Variants in PCDHGA1 observed in about 807,000 individuals in gnomAD.
PCDHGA1 encodes the protein protocadherin gamma-A1.
In PCDHGA1, 32 loss-of-function variants were observed where a neutral mutation model predicts 58.0. The observed-to-expected ratio is 0.55, with a 90% CI of 0.42 to 0.74. PCDHGA1 has a LOEUF of 0.74. Among genes scored for constraint, PCDHGA1 ranks in the 30% least tolerant of loss-of-function variants. PCDHGA1 has a pLI of 0.00. For missense variants in PCDHGA1, 1,205 were observed against 1,182.3 expected (o/e 1.02, Z -0.28); for synonymous variants, 498 against 501.1 (o/e 0.99, Z 0.08).
intron 1 of PCDHGA1, chr5:141,468,696 C>G (rs1483766202): frequency 6.6e-6 from 1 of 151,386 alleles, no homozygotes; most frequent in East Asian, 2.0e-4. Context: ...GAAACCCCGT[C>G]TCTACTAAAA....
At chr5:141,419,413 C>T (rs568417008) in intron 1 of PCDHGA1, 4 of 1,613,444 alleles carry the variant, frequency 2.5e-6, no homozygotes, top group African/African-American at 1.3e-5. Flanking sequence ...TCGCGCAGCG[C>T]GCCTTCGACC....
In PCDHGA1 at chr5:141,486,403, T is replaced by C; in HGVS notation, c.2422-8404T>C. ...GGAACCAGTTCTCCCTGGTGACTGC[T>C]GGACCCTTGGATCGAGAGGCCAAAT... On this transcript the variant is annotated intron_variant, in intron 1 of 3. Coordinates refer to ENST00000517417, the MANE Select transcript of PCDHGA1 (RefSeq NM_018912.3). This position sits in a 1 kb window ranked among gnomAD's most constrained non-coding sequence, Gnocchi z 5.0. The C allele has an allele frequency of 6.2e-7, 1 of 1,614,212 alleles. No individual in the cohort carries two copies. Among genetic ancestry groups the C allele is most frequent in the Non-Finnish European group, 8.5e-7 (1 of 1,180,034 alleles).
intron 3 of PCDHGA1, among the ~76,000 whole-genome samples, chr5:141,506,138 G>T (rs983643755): frequency 6.6e-6 from 1 of 152,134 alleles, no homozygotes; most frequent in African/African-American, 2.4e-5. Flanking sequence ...AGGAGAAGAA[G>T]AATATCATTT....
chr5:141,354,288 AAAC>A, intron 1 of PCDHGA1, among the ~76,000 whole-genome samples: 1 of 152,310 alleles, frequency 6.6e-6, no homozygotes, highest in East Asian at 1.9e-4. Context: ...GTCATTCATG[AAAC>A]ATTGAAAGGT....
rs1203114280 is a variant in PCDHGA1 at position 141,344,088 on chromosome 5, C to A, written c.2421+10983C>A. On this transcript the variant is annotated intron_variant, in intron 1 of 3. Coordinates refer to ENST00000517417, the MANE Select transcript of PCDHGA1 (RefSeq NM_018912.3). ...CAGAGGACTGGCCCTGCTGTGCGCGCTCCTGGGGACGCTGTGCGAAACAGG... is the reference window on the plus strand; with the variant it reads ...CAGAGGACTGGCCCTGCTGTGCGCGATCCTGGGGACGCTGTGCGAAACAGG... 1.2e-6 allele frequency: 2 copies of A among 1,612,960 alleles called. No homozygotes were observed. The highest frequency in any genetic ancestry group is 1.7e-5 in the Admixed American group (1 of 59,908).
At position 141,476,669 on chromosome 5, in the gene PCDHGA1, C is replaced by G; in HGVS notation, c.2422-18138C>G. ...AAATGAATACTTTGCGCTTCGCGTGCAGACGCGGGAGGACAGCACCAAGTA... is the reference window on the plus strand; with the variant it reads ...AAATGAATACTTTGCGCTTCGCGTGGAGACGCGGGAGGACAGCACCAAGTA... On this transcript the variant is annotated intron_variant, in intron 1 of 3. Coordinates refer to ENST00000517417, the MANE Select transcript of PCDHGA1 (RefSeq NM_018912.3). This position sits in a 1 kb window ranked among gnomAD's most constrained non-coding sequence, Gnocchi z 7.6. 6.2e-7 allele frequency: 1 copy of G among 1,614,246 alleles called. No individual in the cohort carries two copies. The highest frequency in any genetic ancestry group is 1.1e-5 in the South Asian group (1 of 91,086).
Position 141,485,665 on chromosome 5 carries a change from C to G in PCDHGA1, c.2422-9142C>G. ...AGGCTCAGGATGCAGATGTGGGGAG[C>G]AATTCGATTAGCAGCTATAGGCTGA... On this transcript the variant is annotated intron_variant, in intron 1 of 3. Coordinates refer to ENST00000517417, the MANE Select transcript of PCDHGA1 (RefSeq NM_018912.3). This position sits in a 1 kb window ranked among gnomAD's most constrained non-coding sequence, Gnocchi z 5.7. 1 of 1,612,622 alleles carries G rather than the reference C, an allele frequency of 6.2e-7. No individual in the cohort carries two copies.
intron 1 of PCDHGA1, chr5:141,404,308 C>G: frequency 1.2e-6 from 2 of 1,613,918 alleles, no homozygotes; most frequent in East Asian, 2.2e-5. Flanking sequence ...CACCTGCTTT[C>G]TCTCAAGCCT....
At chr5:141,350,834 C>G in intron 1 of PCDHGA1, 2 of 1,614,054 alleles carry the variant, frequency 1.2e-6, no homozygotes, top group Non-Finnish European at 1.7e-6. Context: ...TCCGGTATTA[C>G]TGCTGGAAAA....
At chr5:141,350,738 G>A (rs948532839) in intron 1 of PCDHGA1, 1 of 1,613,930 alleles carries the variant, frequency 6.2e-7, no homozygotes, top group Non-Finnish European at 8.5e-7. Flanking sequence ...TGCAGATGTG[G>A]AAGGCAATTC....
chr5:141,429,376 T>TG (rs2097206796), intron 1 of PCDHGA1, among the ~76,000 whole-genome samples: 1 of 144,558 alleles, frequency 6.9e-6, no homozygotes, highest in Non-Finnish European at 1.5e-5. Context: ...GGAGAAAATG[T>TG]GTTTTTTTTT....
chr5:141,370,051 A>G (rs1766638664), intron 1 of PCDHGA1, among the ~76,000 whole-genome samples: 1 of 152,244 alleles, frequency 6.6e-6, no homozygotes, highest in African/African-American at 2.4e-5. Flanking sequence ...ATGTTTTTTA[A>G]AAGTCCTTTT....
chr5:141,373,352 G>A (rs1311109117), intron 1 of PCDHGA1, among the ~76,000 whole-genome samples: 5 of 152,178 alleles, frequency 3.3e-5, no homozygotes, highest in Non-Finnish European at 7.3e-5. Context: ...CTCTTGTAAT[G>A]GGCACTGTAA....
intron 1 of PCDHGA1, chr5:141,478,825 T>G: frequency 1.4e-6 from 2 of 1,441,878 alleles, no homozygotes; most frequent in East Asian, 5.0e-5. Context: ...TAACCAATCT[T>G]GCTAAGGGAT....
rs754547223 is a variant in PCDHGA1 at position 141,511,148 on chromosome 5, AGTC to A, written c.2773_2775del (p.Ser925del). The A allele has an allele frequency of 7.4e-6, 12 of 1,614,202 alleles. No individual in the cohort carries two copies. The highest frequency in any genetic ancestry group is 1.0e-5 in the Non-Finnish European group (12 of 1,180,016). ...GCAGGTGGCAATGGCAACAAGAAGA[AGTC>A]GGGCAAGAAGGAGAAGAAGTAACAT... On this transcript the variant is annotated inframe_deletion, in exon 4 of 4. Coordinates refer to ENST00000517417, the MANE Select transcript of PCDHGA1 (RefSeq NM_018912.3).
intron 1 of PCDHGA1, chr5:141,479,521 T>C (rs4912607): frequency 0.2 from 30,680 of 152,154 alleles, 3,215 homozygotes; most frequent in Admixed American, 0.29. Flanking sequence ...CTGGCCCAGG[T>C]TGGAAGTGGA....
At chr5:141,427,721 A>C (rs904969652) in intron 1 of PCDHGA1, 3 of 1,110,498 alleles carry the variant, frequency 2.7e-6, no homozygotes, top group Non-Finnish European at 4.0e-6. Context: ...ACCTGGACCT[A>C]GGGCTGAATG....
At chr5:141,365,589 T>C (rs779313790) in intron 1 of PCDHGA1, 12 of 1,613,518 alleles carry the variant, frequency 7.4e-6, no homozygotes, top group Middle Eastern at 1.6e-4. Flanking sequence ...GATTATAATA[T>C]CACTTTAACC....
chr5:141,386,090 T>C (rs184634259), intron 1 of PCDHGA1: 1 of 152,362 alleles, frequency 6.6e-6, no homozygotes, highest in Non-Finnish European at 1.5e-5. Context: ...TACAGCCAGA[T>C]GAAGTGTGTC....
Sources: allele counts gnomAD v4.1 joint callset (sites outside exome capture counted in the v4.1 genomes callset), GRCh38; gene constraint gnomAD v4.1.1; non-coding constraint Gnocchi (gnomAD v3.1); transcripts MANE v1.5; gene names NCBI Gene and HGNC (gene_info 2026-07-23, HGNC 2026-07-21).